The following NCALD variants were observed in gnomAD, a reference collection of about 807,000 sequenced individuals.
NCALD encodes neurocalcin delta.
In NCALD, 10 loss-of-function variants were observed where a neutral mutation model predicts 18.6. The ratio of observed to expected loss-of-function variants is 0.54; its 90% confidence interval spans 0.33 to 0.91. The LOEUF is 0.91. NCALD is among the 40% of genes least tolerant of loss of function. NCALD has a pLI of 0.03. For synonymous variants in NCALD, 88 were observed against 87.4 expected, an observed-to-expected ratio of 1.01 and a Z score of -0.04; for missense variants, 184 against 247.6, an observed-to-expected ratio of 0.74 and a Z score of 1.72.
chr8:101,976,390 C>A (rs569213341), intron 2 of NCALD, among the ~76,000 whole-genome samples: 1 of 152,302 alleles, frequency 6.6e-6, no homozygotes, highest in Admixed American at 6.5e-5. Flanking sequence ...TAACGACCTA[C>A]TCTCCCTGTG....
intron 2 of NCALD, among the ~76,000 whole-genome samples, chr8:101,988,559 G>A (rs1287967544): frequency 6.6e-6 from 1 of 152,174 alleles, no homozygotes; most frequent in Non-Finnish European, 1.5e-5. Context: ...GACAATACAC[G>A]TCAAGTGCTT....
intron 4 of NCALD, among the ~76,000 whole-genome samples, chr8:101,830,628 G>A (rs1814140259): frequency 6.6e-6 from 1 of 152,110 alleles, no homozygotes; most frequent in Admixed American, 6.5e-5. Context: ...TCACATTATG[G>A]CTGACGAAGA....
intron 3 of NCALD, among the ~76,000 whole-genome samples, chr8:101,897,232 T>C (rs1817220625): frequency 6.8e-6 from 1 of 146,332 alleles, no homozygotes; most frequent in Non-Finnish European, 1.5e-5. Flanking sequence ...TGGATGAAAT[T>C]GGAAATCATC....
intron 2 of NCALD, among the ~76,000 whole-genome samples, chr8:101,716,252 A>G (rs557900839): frequency 1.1e-4 from 16 of 152,060 alleles, no homozygotes; most frequent in African/African-American, 3.6e-4. Context: ...TCTCACTCAT[A>G]GGTGGGAGTT....
At chr8:101,765,964 T>C (rs1004202620) in intron 1 of NCALD, among the ~76,000 whole-genome samples, 4 of 152,202 alleles carry the variant, frequency 2.6e-5, no homozygotes, top group African/African-American at 9.7e-5. Context: ...TTGTTTCTCA[T>C]ATAGAAAACT....
intron 4 of NCALD, among the ~76,000 whole-genome samples, chr8:101,853,257 T>C (rs1205406419): frequency 6.6e-6 from 1 of 152,154 alleles, no homozygotes; most frequent in African/African-American, 2.4e-5. Context: ...AAACAAAAGT[T>C]CAAAGATAAT....
chr8:101,797,273 C>T (rs1003183894), intron 4 of NCALD, among the ~76,000 whole-genome samples: 14 of 152,052 alleles, frequency 9.2e-5, no homozygotes, highest in Non-Finnish European at 2.1e-4. Context: ...TTCTATATAC[C>T]GCCAAAAGGA....
Position 101,948,726 on chromosome 8 carries a change from G to A in NCALD, c.-156-32868C>T, listed in dbSNP as rs368632561. 5.3e-5 allele frequency among the ~76,000 whole-genome samples: 8 copies of A among 152,254 alleles called. No individual in the cohort carries two copies. In the East Asian group the frequency reaches 9.7e-4, roughly 18 times the overall value. The stretch of plus-strand genomic sequence containing the variant: ...GAAAAGAATAGGAAATGTGCATGGC[G>A]GCCATTTCACAACCCCAGAGTGCAG... On this transcript the variant is annotated intron_variant, in intron 2 of 6. Coordinates refer to the NCALD transcript ENST00000311028.
At chr8:101,932,580 C>G (rs74558285) in intron 2 of NCALD, among the ~76,000 whole-genome samples, 1 of 152,076 alleles carries the variant, frequency 6.6e-6, no homozygotes, top group Non-Finnish European at 1.5e-5. Context: ...TTTCCCTTAA[C>G]CACAGCTTTC....
intron 1 of NCALD, among the ~76,000 whole-genome samples, chr8:102,021,609 C>T (rs1035809082): frequency 6.6e-5 from 10 of 152,192 alleles, no homozygotes; most frequent in Admixed American, 1.3e-4. Context: ...GCCCATAGGC[C>T]TCTAGCCACG....
At chr8:101,962,587 C>T (rs973663879) in intron 2 of NCALD, among the ~76,000 whole-genome samples, 2 of 152,156 alleles carry the variant, frequency 1.3e-5, no homozygotes, top group Non-Finnish European at 2.9e-5. Flanking sequence ...GTAGCAATGG[C>T]ATCACCTGGG....
chr8:101,967,171 C>T (rs1203176318), intron 2 of NCALD, among the ~76,000 whole-genome samples: 1 of 152,140 alleles, frequency 6.6e-6, no homozygotes, highest in East Asian at 1.9e-4. Context: ...GTGATAACAT[C>T]GTGCTTACTA....
At chr8:102,082,984 C>T (rs900941261) in intron 1 of NCALD, among the ~76,000 whole-genome samples, 1 of 152,218 alleles carries the variant, frequency 6.6e-6, no homozygotes, top group African/African-American at 2.4e-5. Context: ...GAGATGCAAA[C>T]GTCTCCTCTA....
chr8:101,735,344 T>G (rs529618499), intron 1 of NCALD, among the ~76,000 whole-genome samples: 1 of 152,174 alleles, frequency 6.6e-6, no homozygotes, highest in East Asian at 1.9e-4. Flanking sequence ...TCCTACCACT[T>G]TACCAAGCCC....
intron 1 of NCALD, among the ~76,000 whole-genome samples, chr8:102,042,594 G>A (rs537701377): frequency 2.2e-4 from 33 of 152,104 alleles, no homozygotes; most frequent in Non-Finnish European, 2.9e-5. Flanking sequence ...GAGAGCTGGT[G>A]TGAGGTCACA....
intron 1 of NCALD, among the ~76,000 whole-genome samples, chr8:102,062,752 TCTC>T (rs984500214): frequency 7.2e-5 from 11 of 152,266 alleles, no homozygotes; most frequent in Non-Finnish European, 7.3e-5. Context: ...AACATGATCT[TCTC>T]CTAGAGAAAG....
At chr8:101,995,259 A>G (rs1277413354) in intron 2 of NCALD, among the ~76,000 whole-genome samples, 1 of 152,230 alleles carries the variant, frequency 6.6e-6, no homozygotes, top group East Asian at 1.9e-4. Context: ...GCAAAATTAG[A>G]TTATTATTCA....
At chr8:101,858,210 T>C (rs1815397953) in intron 4 of NCALD, among the ~76,000 whole-genome samples, 1 of 152,110 alleles carries the variant, frequency 6.6e-6, no homozygotes, top group African/African-American at 2.4e-5. Context: ...AGAAGAGAGA[T>C]ATCAACAAAA....
intron 1 of NCALD, among the ~76,000 whole-genome samples, chr8:102,035,637 T>C (rs543388603): frequency 6.6e-6 from 1 of 152,232 alleles, no homozygotes; most frequent in South Asian, 2.1e-4. Context: ...TGAATATTCT[T>C]CCACATGTCC....
Sources: allele counts gnomAD v4.1 joint callset (sites outside exome capture counted in the v4.1 genomes callset), GRCh38; gene constraint gnomAD v4.1.1; transcripts MANE v1.5; gene names NCBI Gene and HGNC (gene_info 2026-07-23, HGNC 2026-07-21).